Variants in INPP4B observed in about 807,000 individuals in gnomAD.
INPP4B encodes the protein inositol polyphosphate 4-phosphatase type II.
INPP4B carries 55 observed loss-of-function variants against 122.5 expected under a neutral mutation model. That is an observed-to-expected ratio of 0.45 (90% CI 0.36 to 0.56). The LOEUF (loss-of-function observed/expected upper bound fraction) is 0.56. Among genes scored for constraint, INPP4B ranks in the 20% least tolerant of loss-of-function variants. The probability of loss-of-function intolerance (pLI) is 0.00; values close to 1 mark genes in which losing one functional copy is unlikely to be tolerated. For missense variants in INPP4B, 1,000 were observed against 1,097.7 expected, an observed-to-expected ratio of 0.91 and a Z score of 1.26; for synonymous variants, 403 against 388.7, an observed-to-expected ratio of 1.04 and a Z score of -0.43.
intron 2 of INPP4B, among the ~76,000 whole-genome samples, chr4:142,497,264 C>T (rs897078783): frequency 6.6e-6 from 1 of 152,134 alleles, no homozygotes; most frequent in Non-Finnish European, 1.5e-5. Flanking sequence ...AGCCCCAGCT[C>T]TCCTAGCCTC....
intron 2 of INPP4B, among the ~76,000 whole-genome samples, chr4:142,718,518 C>G (rs1272073102): frequency 1.3e-5 from 2 of 152,138 alleles, no homozygotes; most frequent in South Asian, 4.1e-4. Flanking sequence ...CAAACTTGTG[C>G]GTCCGCATCA....
chr4:142,719,097 G>T (rs1236463770), intron 2 of INPP4B, among the ~76,000 whole-genome samples: 3 of 151,992 alleles, frequency 2.0e-5, no homozygotes, highest in Admixed American at 1.3e-4. Flanking sequence ...TTTTCCAAGG[G>T]AGAGAAATGG....
intron 2 of INPP4B, among the ~76,000 whole-genome samples, chr4:142,671,132 A>T (rs1185339962): frequency 6.6e-6 from 1 of 152,100 alleles, no homozygotes; most frequent in African/African-American, 2.4e-5. Context: ...AGGTAAAAAC[A>T]CCAAAGTTTT....
chr4:142,329,265 T>G (rs1437984757), intron 7 of INPP4B, among the ~76,000 whole-genome samples: 1 of 152,334 alleles, frequency 6.6e-6, no homozygotes, highest in African/African-American at 2.4e-5. Flanking sequence ...GATTCAGACC[T>G]GCATAACGCA....
chr4:142,777,031 T>C (rs1774026742), intron 1 of INPP4B, among the ~76,000 whole-genome samples: 1 of 152,180 alleles, frequency 6.6e-6, no homozygotes, highest in Non-Finnish European at 1.5e-5. Context: ...TGAGTTTCCC[T>C]GCTGCCTTCT....
intron 2 of INPP4B, among the ~76,000 whole-genome samples, chr4:142,626,586 C>T (rs1195516865): frequency 6.6e-6 from 1 of 151,964 alleles, no homozygotes; most frequent in Non-Finnish European, 1.5e-5. Context: ...AATTAAACTC[C>T]ACTCACTTCT....
chr4:142,260,724 G>C (rs1444647004), intron 10 of INPP4B, among the ~76,000 whole-genome samples, 160 bp from the exon 11 acceptor site: 2 of 152,052 alleles, frequency 1.3e-5, no homozygotes, highest in Admixed American at 1.3e-4. Flanking sequence ...TTACTACAAA[G>C]AGTGTTTAAC....
intron 3 of INPP4B, among the ~76,000 whole-genome samples, chr4:142,451,744 G>A (rs1374783565): frequency 1.3e-5 from 2 of 152,126 alleles, no homozygotes; most frequent in Non-Finnish European, 2.9e-5. Context: ...GCAAAATATT[G>A]ACAGTTAAAA....
intron 7 of INPP4B, among the ~76,000 whole-genome samples, chr4:142,338,350 C>T (rs1251809054): frequency 6.6e-6 from 1 of 152,168 alleles, no homozygotes; most frequent in Admixed American, 6.5e-5. Context: ...ATTCTCCTGC[C>T]TCAGCCTCCC....
At chr4:142,804,994 G>A (rs989299248) in intron 1 of INPP4B, among the ~76,000 whole-genome samples, 2 of 152,060 alleles carry the variant, frequency 1.3e-5, no homozygotes, top group African/African-American at 4.8e-5. Context: ...GACTCTATCT[G>A]TATCAATCAC....
intron 9 of INPP4B, among the ~76,000 whole-genome samples, chr4:142,271,066 A>T (rs2627816): frequency 0.76 from 115,553 of 151,314 alleles, 45,313 homozygotes; most frequent in East Asian, 0.93. Context: ...CAGATTCAAG[A>T]GATTCTTCTG....
chr4:142,082,142 CT>C lies in INPP4B; in HGVS notation c.2530del (p.Ser844ValfsTer10). On this transcript the variant is annotated frameshift_variant, in exon 25 of 26. Coordinates refer to ENST00000262992, the MANE Select transcript of INPP4B (RefSeq NM_001101669.3). LOFTEE classifies it high-confidence loss of function. ...LNGIRFTCCK[S>X]AKDRTSMSVT... ...TGACATCGATGTCCTGTCTTTGGCA[CT>C]TTTACAACAGGTGAAACGAATACCA... The C allele has an allele frequency of 1.3e-6, 2 of 1,536,028 alleles. No individual in the cohort carries two copies. Among genetic ancestry groups the C allele is most frequent in the Non-Finnish European group, 1.8e-6 (2 of 1,123,342 alleles).
At chr4:142,812,785 T>C (rs1779668362) in intron 1 of INPP4B, among the ~76,000 whole-genome samples, 2 of 152,202 alleles carry the variant, frequency 1.3e-5, no homozygotes, top group South Asian at 4.1e-4. Flanking sequence ...TCTAGGATGA[T>C]AGAATTTCCA....
At chr4:142,447,003 G>T (rs1813044518) in intron 3 of INPP4B, among the ~76,000 whole-genome samples, 1 of 152,156 alleles carries the variant, frequency 6.6e-6, no homozygotes, top group Non-Finnish European at 1.5e-5. Context: ...TCTTAAAACG[G>T]GTAATAGGAA....
chr4:142,631,552 A>G (rs1454175162), intron 2 of INPP4B, among the ~76,000 whole-genome samples: 4 of 152,108 alleles, frequency 2.6e-5, no homozygotes, highest in Admixed American at 6.6e-5. Context: ...AACGTTCCAA[A>G]ATTTATTGAG....
At chr4:142,792,948 C>T (rs1027207483) in intron 1 of INPP4B, among the ~76,000 whole-genome samples, 1 of 151,986 alleles carries the variant, frequency 6.6e-6, no homozygotes, top group South Asian at 2.1e-4. Context: ...CCCTGATGCT[C>T]CCTTTACTAG....
chr4:142,221,985 A>T (rs1849573391), intron 12 of INPP4B, among the ~76,000 whole-genome samples: 2 of 152,070 alleles, frequency 1.3e-5, no homozygotes, highest in Non-Finnish European at 2.9e-5. Flanking sequence ...TTTGAGATGG[A>T]GCCTCACTCT....
chr4:142,040,972 T>C (rs540946639), intron 25 of INPP4B, among the ~76,000 whole-genome samples: 3 of 152,234 alleles, frequency 2.0e-5, no homozygotes, highest in African/African-American at 7.2e-5. Context: ...AGGAGGTAAA[T>C]TCATCACGAC....
chr4:142,242,005 T>C (rs973008586), intron 11 of INPP4B, among the ~76,000 whole-genome samples: 1 of 152,216 alleles, frequency 6.6e-6, no homozygotes, highest in African/African-American at 2.4e-5. Context: ...CAGATTCTTG[T>C]AGAGAATCTA....
Sources: allele counts gnomAD v4.1 joint callset (sites outside exome capture counted in the v4.1 genomes callset), GRCh38; gene constraint gnomAD v4.1.1; transcripts MANE v1.5; gene names NCBI Gene and HGNC (gene_info 2026-07-23, HGNC 2026-07-21).